Variants in APTX observed in about 807,000 individuals in gnomAD.
APTX encodes the protein aprataxin.
Under a neutral mutation model 42.3 loss-of-function variants are expected in APTX, and 33 were observed. The ratio of observed to expected loss-of-function variants is 0.78; its 90% CI spans 0.59 to 1.04. The LOEUF (loss-of-function observed/expected upper bound fraction) is 1.04, where lower values mean the gene tolerates loss of function less well. APTX is among the 50% of genes least tolerant of loss of function. The probability of loss-of-function intolerance (pLI) is 0.00; values close to 1 mark genes in which losing one functional copy is unlikely to be tolerated. For synonymous variants in APTX, 130 were observed against 146.7 expected (o/e 0.89, Z 0.82); for missense variants, 421 against 415.1 (o/e 1.01, Z -0.12).
At chr9:32,977,724 G>A (rs944689345) in intron 6 of APTX, among the ~76,000 whole-genome samples, 4 of 151,934 alleles carry the variant, frequency 2.6e-5, no homozygotes, top group Non-Finnish European at 4.4e-5. Context: ...CCAGCTACTC[G>A]GACAGCTGAG....
chr9:33,024,289 ACACGTGAGC>A (rs1262814216), intron 1 of APTX, among the ~76,000 whole-genome samples: 1 of 152,188 alleles, frequency 6.6e-6, no homozygotes, highest in Non-Finnish European at 1.5e-5. Flanking sequence ...CTGGGATTAC[ACACGTGAGC>A]CACCGAGCGT....
chr9:32,985,857 A>T (rs745395021), intron 5 of APTX, 114 bp downstream of exon 5: 60 of 1,010,398 alleles, frequency 5.9e-5, no homozygotes, highest in Admixed American at 1.5e-4. Context: ...AGCCCAATAA[A>T]ATGAATCTCA....
rs113097062 is a variant in APTX, at chr9:33,017,936, C to G, written c.-5+7087G>C. Among the ~76,000 whole-genome samples, 489 of 129,710 alleles carry G rather than the reference C, an allele frequency of 3.8e-3. 12 individuals are homozygous for G. Among genetic ancestry groups the G allele is most frequent in the Non-Finnish European group, 5.7e-3 (352 of 62,110 alleles). The allele number at this position is 129,710 out of a possible 152,430, so 85.1% of individuals were successfully genotyped here. A position where few individuals can be genotyped will look rare whatever the true frequency, so the allele number is the denominator to read the frequency against. On this transcript the variant is annotated intron_variant, in intron 1 of 6. Transcript: ENST00000436040. ...TTGCCCTAGCAACCAGCGCCCCCCC[C>G]CCCCTCCCATTTTCGGGCTCTCCAA... is the stretch of plus-strand genomic sequence containing the variant.
chr9:33,001,857 G>C (rs984315517), upstream of APTX, among the ~76,000 whole-genome samples: 3 of 152,222 alleles, frequency 2.0e-5, no homozygotes, highest in African/African-American at 7.2e-5. Flanking sequence ...CTGCCTCACA[G>C]TCTCTGAATT....
rs1254691908 is a variant in APTX at position 32,972,883 on chromosome 9, C to T, written c.*615G>A. ...CCTCGGTATTAGAAGAAAACTCCAA[C>T]CCCCCACACCATCATCTAGCCTCTT... On this transcript the variant is annotated 3_prime_UTR_variant, in exon 8 of 8. Coordinates refer to ENST00000379817, the MANE Select transcript of APTX (RefSeq NM_001195248.2). 2.2e-6 allele frequency: 1 copy of T among 454,122 alleles called. No homozygotes were observed. The highest frequency in any genetic ancestry group is 4.4e-6 in the Non-Finnish European group (1 of 226,788). 28.1% of individuals were successfully genotyped at this position (454,122 alleles called of 1,614,324 possible). A position where few individuals can be genotyped will look rare whatever the true frequency, so the allele number is the denominator to read the frequency against.
chr9:32,979,839 C>T (rs1471424094), intron 6 of APTX: 1 of 176,492 alleles, frequency 5.7e-6, no homozygotes, highest in Non-Finnish European at 1.2e-5. Context: ...TGATATCCTA[C>T]TTCATACTCT....
At chr9:33,017,070 G>A (rs978272159) in intron 1 of APTX, among the ~76,000 whole-genome samples, 1 of 152,172 alleles carries the variant, frequency 6.6e-6, no homozygotes, top group Non-Finnish European at 1.5e-5. Context: ...GTTGGGGGTG[G>A]AGGGGCTTCA....
At chr9:32,989,349 G>A (rs927814698) in intron 2 of APTX, among the ~76,000 whole-genome samples, 5 of 152,204 alleles carry the variant, frequency 3.3e-5, no homozygotes, top group African/African-American at 2.4e-5. Context: ...ACAAGTGCTA[G>A]ATGCCACTGT....
chr9:32,998,172 TGTCCAGGAGGATA>T (rs752647417), intron 1 of APTX, among the ~76,000 whole-genome samples: 2 of 152,174 alleles, frequency 1.3e-5, no homozygotes, highest in Non-Finnish European at 2.9e-5. Flanking sequence ...CAGGCAGAGC[TGTCCAGGAGGATA>T]GTCAGATGTG....
chr9:32,984,074 T>C (rs3824457), intron 6 of APTX, among the ~76,000 whole-genome samples: 14,001 of 152,294 alleles, frequency 0.092, 817 homozygotes, highest in East Asian at 0.28. Flanking sequence ...TATCATCTTA[T>C]TGCTTAAATC....
At chr9:33,001,487 G>T (rs539718096) in intron 1 of APTX, 80 bp downstream of exon 1, 6 of 1,605,982 alleles carry the variant, frequency 3.7e-6, no homozygotes, top group Admixed American at 3.4e-5. Context: ...ATCACTCAAG[G>T]GTAGGAGCAG....
At position 33,017,130 on chromosome 9, in the gene APTX, A is replaced by C. The variant is rs1837958177; in HGVS notation, c.-5+7893T>G. On this transcript the variant is annotated intron_variant, in intron 1 of 6. Coordinates refer to the APTX transcript ENST00000436040. ...GCAGATACCAACTGGGTATCCTACA[A>C]TTTAATTCAGTGTGGACACTAATTA... Among the ~76,000 whole-genome samples the C allele has an allele frequency of 2.0e-5, 3 of 152,290 alleles. No individual in the cohort carries two copies. The South Asian group carries it at 6.2e-4, about 32-fold the overall frequency.
At chr9:33,017,728 C>G (rs148948321) in intron 1 of APTX, among the ~76,000 whole-genome samples, 270 of 152,290 alleles carry the variant, frequency 1.8e-3, no homozygotes, top group African/African-American at 6.0e-3. Flanking sequence ...TCCGGGAGCT[C>G]AATCCTTCCA....
At chr9:32,975,433 G>A (rs761409146) in intron 6 of APTX, among the ~76,000 whole-genome samples, 2 of 152,030 alleles carry the variant, frequency 1.3e-5, no homozygotes, top group African/African-American at 2.4e-5. Context: ...CAGGTGCGGC[G>A]GCTCACGCCT....
At chr9:32,996,459 A>G (rs1834966561) in intron 1 of APTX, among the ~76,000 whole-genome samples, 1 of 152,008 alleles carries the variant, frequency 6.6e-6, no homozygotes, top group East Asian at 1.9e-4. Context: ...TTATTTTGAG[A>G]TGGGGTTCTC....
At chr9:32,999,870 G>C (rs1345460362) in intron 1 of APTX, among the ~76,000 whole-genome samples, 6 of 152,202 alleles carry the variant, frequency 3.9e-5, no homozygotes, top group Non-Finnish European at 5.9e-5. Context: ...TGAGCCAGGA[G>C]AATGGCGTGA....
intron 6 of APTX, among the ~76,000 whole-genome samples, chr9:32,975,056 G>T (rs1365792715): frequency 6.6e-6 from 1 of 152,132 alleles, no homozygotes; most frequent in African/African-American, 2.4e-5. Context: ...CTAGGTCTGT[G>T]GGAAGAGTGT....
intron 6 of APTX, among the ~76,000 whole-genome samples, chr9:32,978,473 T>C (rs2118453960): frequency 6.6e-6 from 1 of 152,204 alleles, no homozygotes; most frequent in Non-Finnish European, 1.5e-5. Flanking sequence ...ATGGCTTGCT[T>C]AGGGGGAGAA....
At position 32,984,635 on chromosome 9, in the gene APTX, T is replaced by C. The variant is rs761736360; in HGVS notation, c.766A>G (p.Met256Val). ...AGCACTACCCACCTGGCTTACCTCA[T>C]ACTCGGAATGGCGTGGTAGCCCAAT... ...FRLGYHAIPS[M>V]SHVHLHVISQ... The change falls in exon 6 of 8, where the codon ATG becomes GTG. Residue 256 changes from methionine to valine, a missense_variant. Physicochemically the swap from Met to Val is conservative, Grantham distance 21. Transcript: ENST00000379817. The C allele has an allele frequency of 3.1e-6, 5 of 1,614,180 alleles. No individual in the cohort carries two copies. The highest frequency in any genetic ancestry group is 4.2e-6 in the Non-Finnish European group (5 of 1,180,008).
Sources: gnomAD v4.1 joint callset for allele counts (sites outside exome capture counted in the v4.1 genomes callset) on GRCh38, gnomAD v4.1.1 for gene constraint, MANE v1.5 for transcripts, NCBI Gene and HGNC (gene_info 2026-07-23, HGNC 2026-07-21) for gene names.